ACBD3: variants seen among roughly 807,000 people sequenced by gnomAD.
ACBD3 encodes the protein acyl-CoA binding domain containing 3, also known as Golgi resident protein GCP60.
In ACBD3, 30 loss-of-function variants were observed where a neutral mutation model predicts 66.9. That is an observed-to-expected ratio of 0.45 (90% CI 0.34 to 0.61). The LOEUF is 0.61. ACBD3 is among the 20% of genes least tolerant of loss of function. ACBD3 has a pLI of 0.02. For synonymous variants in ACBD3, 278 were observed against 259.8 expected, an observed-to-expected ratio of 1.07 and a Z score of -0.68; for missense variants, 544 against 664.5, an observed-to-expected ratio of 0.82 and a Z score of 1.99.
intron 4 of ACBD3, among the ~76,000 whole-genome samples, chr1:226,160,300 G>A (rs1396013644): frequency 9.6e-6 from 1 of 104,686 alleles, no homozygotes; most frequent in Non-Finnish European, 1.9e-5. Context: ...ATGTTGGCCA[G>A]GCTCGTTTCA....
chr1:226,147,833 C>T (rs914623758), intron 7 of ACBD3, among the ~76,000 whole-genome samples: 9 of 152,154 alleles, frequency 5.9e-5, no homozygotes, highest in Non-Finnish European at 1.3e-4. Flanking sequence ...AAATTATGAA[C>T]CAGCTTCGAA....
chr1:226,162,612 T>C (rs971009446), intron 3 of ACBD3, among the ~76,000 whole-genome samples: 4 of 152,186 alleles, frequency 2.6e-5, no homozygotes, highest in East Asian at 1.9e-4. Context: ...AGTGGTATGG[T>C]GTTCAGGGAG....
chr1:226,164,080 C>T (rs1387421047), intron 3 of ACBD3, among the ~76,000 whole-genome samples: 1 of 141,704 alleles, frequency 7.1e-6, no homozygotes, highest in Non-Finnish European at 1.5e-5. Context: ...CACTGCACTC[C>T]GGCCTGAGCA....
intron 4 of ACBD3, among the ~76,000 whole-genome samples, chr1:226,160,300 G>T (rs1396013644): frequency 9.6e-6 from 1 of 104,686 alleles, no homozygotes; most frequent in Non-Finnish European, 1.9e-5. Flanking sequence ...ATGTTGGCCA[G>T]GCTCGTTTCA....
chr1:226,186,512 C>G lies in ACBD3; in HGVS notation c.164G>C (p.Gly55Ala). ...CGCCTCCCCGGGCTCGGGCTGCTCC[C>G]CTGAGGCGCCCGGGCCGCGACCGGA... ...PGSGRGPGAS[G>A]EQPEPGEAAA... Residue 55 changes from glycine to alanine, a missense_variant, in exon 1 of 8, where the codon GGG becomes GCG. Gly to Ala is a moderately conservative substitution (Grantham distance 60, BLOSUM62 0). Around this residue, in one of 3 missense-constraint regions of ACBD3, gnomAD observed 137 missense variants for 145.9 expected, o/e 0.94. Transcript: ENST00000366812. 1.4e-6 allele frequency: 2 copies of G among 1,414,232 alleles called. No individual in the cohort carries two copies. The highest frequency in any genetic ancestry group is 1.8e-6 in the Non-Finnish European group (2 of 1,089,822). The allele number at this position is 1,414,232 out of a possible 1,614,324, so 87.6% of individuals were successfully genotyped here.
intron 1 of ACBD3, 68 bp downstream of exon 1, chr1:226,186,322 G>A (rs908289084): frequency 6.2e-6 from 9 of 1,448,788 alleles, no homozygotes; most frequent in Non-Finnish European, 8.2e-6. Flanking sequence ...GTCACCCTGG[G>A]GACCACAGCC....
intron 1 of ACBD3, 60 bp from the exon 2 acceptor site, chr1:226,166,060 C>T: frequency 6.6e-7 from 1 of 1,520,164 alleles, no homozygotes; most frequent in South Asian, 1.3e-5. Flanking sequence ...TAATTTTCAG[C>T]ATTATATACT....
At chr1:226,164,976 A>G (rs1168340781) in intron 2 of ACBD3, 47 bp from the exon 3 acceptor site, 2 of 1,482,086 alleles carry the variant, frequency 1.3e-6, no homozygotes, top group South Asian at 2.9e-5. Context: ...TAGTAGAATG[A>G]GAACTTTTAA....
At chr1:226,150,985 ATTAACTGTTAAAT>A (rs1179771817) in intron 7 of ACBD3, among the ~76,000 whole-genome samples, 1 of 152,244 alleles carries the variant, frequency 6.6e-6, no homozygotes, top group East Asian at 1.9e-4. Context: ...AGCATTAAAT[ATTAACTGTTAAAT>A]TGAATATTAA....
At chr1:226,175,450 T>C (rs1035956618) in intron 1 of ACBD3, among the ~76,000 whole-genome samples, 18 of 152,190 alleles carry the variant, frequency 1.2e-4, no homozygotes, top group Non-Finnish European at 2.4e-4. Context: ...TAAGACTGAT[T>C]CAAGAATTTA....
intron 1 of ACBD3, among the ~76,000 whole-genome samples, chr1:226,169,642 C>A (rs1659951433): frequency 6.7e-6 from 1 of 148,382 alleles, no homozygotes; most frequent in Admixed American, 6.8e-5. Context: ...GATCTCCTGA[C>A]CTCGTGATCG....
intron 1 of ACBD3, among the ~76,000 whole-genome samples, chr1:226,183,434 G>A (rs185124830): frequency 5.4e-4 from 82 of 151,978 alleles, no homozygotes; most frequent in South Asian, 3.5e-3. Context: ...CACCCGCCTC[G>A]GCCTCCCAAA....
At chr1:226,182,296 A>C (rs1276604643) in intron 1 of ACBD3, among the ~76,000 whole-genome samples, 1 of 151,956 alleles carries the variant, frequency 6.6e-6, no homozygotes, top group Non-Finnish European at 1.5e-5. Flanking sequence ...CTCATCTTCT[A>C]ATTTACTGAC....
At chr1:226,163,254 A>G (rs1307563027) in intron 3 of ACBD3, among the ~76,000 whole-genome samples, 3 of 152,198 alleles carry the variant, frequency 2.0e-5, no homozygotes, top group Admixed American at 6.5e-5. Flanking sequence ...TGACAAAAGT[A>G]TATTTTTAAA....
intron 1 of ACBD3, among the ~76,000 whole-genome samples, chr1:226,184,800 C>T (rs1021728689): frequency 1.1e-4 from 16 of 150,946 alleles, no homozygotes; most frequent in African/African-American, 2.9e-4. Context: ...CATATTGAAG[C>T]GATTCTTTTT....
intron 1 of ACBD3, among the ~76,000 whole-genome samples, chr1:226,173,757 CTTTTT>C (rs145462202): frequency 2.3e-5 from 2 of 88,324 alleles, no homozygotes; most frequent in African/African-American, 9.2e-5. Flanking sequence ...TTTTTCTTTT[CTTTTT>C]TTTTTTTTTT....
chr1:226,149,576 T>A (rs1235910199), intron 7 of ACBD3, among the ~76,000 whole-genome samples: 9 of 125,422 alleles, frequency 7.2e-5, no homozygotes, highest in Non-Finnish European at 1.6e-5. Flanking sequence ...GGTCTGGCTC[T>A]GTGGCCCAGG....
chr1:226,172,235 A>G (rs1655839820), intron 1 of ACBD3, among the ~76,000 whole-genome samples: 1 of 150,894 alleles, frequency 6.6e-6, no homozygotes, highest in Non-Finnish European at 1.5e-5. Context: ...TGTGAACTTC[A>G]GTGCTTAAGC....
At chr1:226,151,242 C>T (rs540803613) in intron 7 of ACBD3, among the ~76,000 whole-genome samples, 4 of 152,306 alleles carry the variant, frequency 2.6e-5, no homozygotes, top group Admixed American at 1.3e-4. Flanking sequence ...AGTCTGTTTA[C>T]AAGCCACCTG....
Sources: allele counts gnomAD v4.1 joint callset (sites outside exome capture counted in the v4.1 genomes callset), GRCh38; gene constraint gnomAD v4.1.1; regional missense constraint gnomAD v4.1.1; transcripts MANE v1.5; gene names NCBI Gene and HGNC (gene_info 2026-07-23, HGNC 2026-07-21).